Variants in CSTF3 observed in about 807,000 individuals in gnomAD.
CSTF3 encodes the protein CF-1 77 kDa subunit.
Under a neutral mutation model 105.8 loss-of-function variants are expected in CSTF3, and 29 were observed. The observed-to-expected ratio is 0.27, with a 90% CI of 0.20 to 0.37. CSTF3 has a LOEUF of 0.37. Among genes scored for constraint, CSTF3 ranks in the 10% least tolerant of loss-of-function variants. CSTF3 has a pLI of 1.00. For synonymous variants in CSTF3, 252 were observed against 281.9 expected, an observed-to-expected ratio of 0.89 and a Z score of 1.06; for missense variants, 357 against 879.3, an observed-to-expected ratio of 0.41 and a Z score of 7.51.
At chr11:33,151,450 T>C (rs1209621413) in intron 1 of CSTF3, among the ~76,000 whole-genome samples, 4 of 152,174 alleles carry the variant, frequency 2.6e-5, no homozygotes, top group African/African-American at 9.7e-5. Flanking sequence ...CCTCTCAAAG[T>C]GTTGGGATTA....
rs921024755 is a variant in CSTF3 at position 33,106,482 on chromosome 11, G to A, written c.357-418C>T. Among the ~76,000 whole-genome samples, 11 of 152,186 alleles carry A rather than the reference G, an allele frequency of 7.2e-5. 1 individual carries two copies. In the South Asian group the frequency reaches 1.2e-3, roughly 17 times the overall value. ...GGTGGTTCATTCCTGGAATCCCAATGCTTTGGGAGGCTGAGGCAGGAGGAT... is the reference window on the plus strand; with the variant it reads ...GGTGGTTCATTCCTGGAATCCCAATACTTTGGGAGGCTGAGGCAGGAGGAT... On this transcript the variant is annotated intron_variant, in intron 5 of 20. Coordinates refer to ENST00000323959, the MANE Select transcript of CSTF3 (RefSeq NM_001326.3).
At chr11:33,150,025 AAAAC>A (rs944477270) in intron 1 of CSTF3, among the ~76,000 whole-genome samples, 12 of 123,620 alleles carry the variant, frequency 9.7e-5, no homozygotes, top group African/African-American at 2.8e-4. Flanking sequence ...TCTTGAAAAC[AAAAC>A]AAACAAACAA....
chr11:33,124,738 T>C (rs1855526580), intron 3 of CSTF3, among the ~76,000 whole-genome samples: 1 of 152,208 alleles, frequency 6.6e-6, no homozygotes, highest in African/African-American at 2.4e-5. Context: ...TTGGACATGT[T>C]CAAAAATGCA....
intron 15 of CSTF3, among the ~76,000 whole-genome samples, chr11:33,095,588 G>A (rs1184234993): frequency 6.6e-5 from 10 of 151,888 alleles, no homozygotes; most frequent in African/African-American, 2.2e-4. Flanking sequence ...TTGGGAGGCC[G>A]AGGCGGGCGG....
At chr11:33,139,570 A>G (rs1286644171) in intron 3 of CSTF3, among the ~76,000 whole-genome samples, 4 of 151,958 alleles carry the variant, frequency 2.6e-5, no homozygotes, top group Admixed American at 2.6e-4. Flanking sequence ...ATGTGAAAAT[A>G]AAAAATAAAC....
chr11:33,098,773 G>T lies in CSTF3; in HGVS notation c.1054-9C>A. The T allele has an allele frequency of 6.6e-7, 1 of 1,507,510 alleles. No homozygotes were observed. The highest frequency in any genetic ancestry group is 8.8e-7 in the Non-Finnish European group (1 of 1,133,064). 93.4% of individuals were successfully genotyped at this position (1,507,510 alleles called of 1,614,324 possible). On this transcript the variant is annotated splice_polypyrimidine_tract_variant and intron_variant, in intron 12 of 20. Transcript: ENST00000323959. ...TCATACTTCATGCGACTCTAAGGTG[G>T]TACAGAAGAAGTGAGTATCAACATA...
intron 16 of CSTF3, 40 bp from the exon 17 acceptor site, chr11:33,090,767 G>C (rs1021592957): frequency 7.1e-7 from 1 of 1,411,030 alleles, no homozygotes; most frequent in African/African-American, 1.4e-5. Context: ...TAATTATTCT[G>C]GGTTTAGGGC....
At chr11:33,146,028 G>C (rs900510429) in intron 1 of CSTF3, among the ~76,000 whole-genome samples, 13 of 152,064 alleles carry the variant, frequency 8.5e-5, no homozygotes, top group African/African-American at 3.1e-4. Context: ...CCTGAGGTCA[G>C]GAGTTCGAGA....
At chr11:33,128,279 A>T (rs1855565218) in intron 3 of CSTF3, among the ~76,000 whole-genome samples, 2 of 152,154 alleles carry the variant, frequency 1.3e-5, no homozygotes, top group East Asian at 3.8e-4. Context: ...AATCGCTATG[A>T]AGACTATTAA....
intron 14 of CSTF3, 86 bp downstream of exon 14, chr11:33,096,749 A>T: frequency 7.6e-7 from 1 of 1,311,132 alleles, no homozygotes; most frequent in Non-Finnish European, 1.1e-6. Context: ...ATAAAAGCTT[A>T]ATGACAGAAG....
At chr11:33,148,981 C>T (rs1057504958) in intron 1 of CSTF3, among the ~76,000 whole-genome samples, 17 of 151,688 alleles carry the variant, frequency 1.1e-4, no homozygotes, top group African/African-American at 2.7e-4. Flanking sequence ...CGTGTACCAC[C>T]GCTCCTTGCT....
chr11:33,086,075 T>G, intron 18 of CSTF3, 86 bp from the exon 19 acceptor site: 6 of 836,714 alleles, frequency 7.2e-6, no homozygotes, highest in South Asian at 2.8e-5. Flanking sequence ...CATAAAGATC[T>G]TCCATGTCTG....
chr11:33,144,137 TTTAGTGGAA>T (rs55909521), intron 1 of CSTF3, among the ~76,000 whole-genome samples: 32,702 of 147,942 alleles, frequency 0.22, 4,182 homozygotes, highest in East Asian at 0.35. Context: ...CCCCCTTTTT[TTTAGTGGAA>T]TTAGTATTTC....
At chr11:33,116,763 G>A (rs1312737430) in intron 3 of CSTF3, among the ~76,000 whole-genome samples, 1 of 152,116 alleles carries the variant, frequency 6.6e-6, no homozygotes, top group Non-Finnish European at 1.5e-5. Flanking sequence ...GGAGAATACA[G>A]AGGTGGCTTT....
At chr11:33,092,378 C>T (rs760332671) in intron 15 of CSTF3, 38 bp from the exon 16 acceptor site, 1 of 1,327,222 alleles carries the variant, frequency 7.5e-7, no homozygotes, top group Non-Finnish European at 1.0e-6. Flanking sequence ...TTTTAATTCA[C>T]TTTTACGATG....
Position 33,085,266 on chromosome 11 carries a change from T to G in CSTF3, c.1975A>C (p.Ile659Leu), listed in dbSNP as rs1855092592. The G allele has an allele frequency of 2.6e-6, 4 of 1,556,766 alleles. No homozygotes were observed. Among genetic ancestry groups the G allele is most frequent in the Non-Finnish European group, 1.7e-6 (2 of 1,155,374 alleles). The change falls in exon 21 of 21, where the codon ATT (isoleucine) becomes CTT (leucine). Residue 659 changes from isoleucine (I) to leucine (L), a missense_variant. This residue lies in a region of CSTF3 where 73 missense variants were observed against 105.8 expected (regional missense o/e 0.69). Coordinates refer to ENST00000323959, the MANE Select transcript of CSTF3 (RefSeq NM_001326.3). ...PNTVEEAVRI[I>L]TGGAPELAVE... ...GCTAGCTCTGGGGCCCCACCAGTAA[T>G]GATCCTCACAGCTTCCTCAACAGCT... is the stretch of plus-strand genomic sequence containing the variant.
chr11:33,117,716 C>T (rs930039742), intron 3 of CSTF3, among the ~76,000 whole-genome samples: 2 of 151,602 alleles, frequency 1.3e-5, no homozygotes, highest in African/African-American at 4.8e-5. Flanking sequence ...AATTTGAGAA[C>T]CTATATTACC....
chr11:33,150,692 C>CA (rs1055490034), intron 1 of CSTF3, among the ~76,000 whole-genome samples: 4 of 151,732 alleles, frequency 2.6e-5, no homozygotes, highest in African/African-American at 9.7e-5. Context: ...CCCATCTCTA[C>CA]AAAAAACGCA....
intron 3 of CSTF3, among the ~76,000 whole-genome samples, chr11:33,114,098 C>CACCTATTAAGTA (rs1270687982): frequency 6.6e-6 from 1 of 152,146 alleles, no homozygotes; most frequent in Non-Finnish European, 1.5e-5. Context: ...AACTAATGAT[C>CACCTATTAAGTA]ACCTATTACT....
Sources: allele counts gnomAD v4.1 joint callset (sites outside exome capture counted in the v4.1 genomes callset), GRCh38; gene constraint gnomAD v4.1.1; regional missense constraint gnomAD v4.1.1; transcripts MANE v1.5; gene names NCBI Gene and HGNC (gene_info 2026-07-23, HGNC 2026-07-21).